The following PLCD1 variants were observed in gnomAD, a reference collection of about 807,000 sequenced individuals.
The protein encoded by PLCD1 is phospholipase C delta 1, also known as 1-phosphatidylinositol 4,5-bisphosphate phosphodiesterase delta-1.
A neutral mutation model predicts 87.4 loss-of-function variants in PLCD1; 71 were observed. The ratio of observed to expected loss-of-function variants is 0.81; its 90% CI spans 0.67 to 0.99. The LOEUF (loss-of-function observed/expected upper bound fraction) is 0.99. PLCD1 is among the 50% of genes least tolerant of loss of function. The pLI is 0.00. For synonymous variants in PLCD1, 348 were observed against 399.2 expected (o/e 0.87, Z 1.53); for missense variants, 867 against 1,001.5 (o/e 0.87, Z 1.81).
intron 1 of PLCD1, chr3:38,024,830 G>T: frequency 2.0e-6 from 2 of 977,404 alleles, no homozygotes; most frequent in South Asian, 1.6e-5. Flanking sequence ...AAAAGGCTGG[G>T]CCATCCAAGA....
intron 1 of PLCD1, 113 bp downstream of exon 1, chr3:38,029,393 G>T: frequency 1.1e-6 from 1 of 921,136 alleles, no homozygotes; most frequent in Non-Finnish European, 1.7e-6. Context: ...AGGCGGGCCC[G>T]GGGTGGTGTG....
chr3:38,019,947 C>A (rs1399009846), intron 2 of PLCD1, among the ~76,000 whole-genome samples: 1 of 152,158 alleles, frequency 6.6e-6, no homozygotes, highest in Non-Finnish European at 1.5e-5. Flanking sequence ...TCCATGACTG[C>A]CCTCTCCAGT....
intron 1 of PLCD1, among the ~76,000 whole-genome samples, chr3:38,021,633 G>A (rs1001841367): frequency 2.0e-5 from 3 of 152,184 alleles, no homozygotes; most frequent in Admixed American, 1.3e-4. Flanking sequence ...CCCTAGCCAC[G>A]TACATAGTCC....
In PLCD1 at chr3:38,011,460, C is replaced by T. The variant is rs1700076084; in HGVS notation, c.559-15G>A. On this transcript the variant is annotated splice_polypyrimidine_tract_variant and intron_variant, in intron 4 of 14. Coordinates refer to ENST00000334661, the MANE Select transcript of PLCD1 (RefSeq NM_006225.4). ...TGGTCACACTCCTGCAGAGCCAGGA[C>T]AGCCGAGTGGGCTCAGAGCAGGCCT... The T allele has an allele frequency of 6.2e-7, 1 of 1,613,660 alleles. No individual in the cohort carries two copies. The highest frequency in any genetic ancestry group is 1.7e-5 in the Admixed American group (1 of 60,016).
intron 1 of PLCD1, chr3:38,024,406 T>G (rs555982544): frequency 3.1e-6 from 5 of 1,612,538 alleles, no homozygotes; most frequent in South Asian, 1.1e-5. Flanking sequence ...CTGGAGCGGC[T>G]CCGGCTCCGG....
intron 1 of PLCD1, among the ~76,000 whole-genome samples, chr3:38,021,706 C>T (rs1431534662): frequency 6.6e-6 from 1 of 152,214 alleles, no homozygotes; most frequent in Non-Finnish European, 1.5e-5. Flanking sequence ...CTATGTGGCC[C>T]ATCAGCAATC....
At chr3:38,010,789 C>G (rs529540236) in intron 5 of PLCD1, among the ~76,000 whole-genome samples, 2 of 152,136 alleles carry the variant, frequency 1.3e-5, no homozygotes, top group South Asian at 4.1e-4. Flanking sequence ...ACTCTAAGAC[C>G]CCTGAGGACA....
chr3:38,012,976 C>T (rs895745634), intron 3 of PLCD1, among the ~76,000 whole-genome samples: 3 of 151,258 alleles, frequency 2.0e-5, no homozygotes, highest in African/African-American at 7.3e-5. Flanking sequence ...TGATTATGGC[C>T]CACTGCAGCC....
rs139510592 is a variant in PLCD1 at position 38,009,043 on chromosome 3, G to A, written c.1722C>T (p.Ile574=). ...CCTCCAGCCCCAGCCAGCCCATACC[G>A]ATCTGGCAGCCCCCATTCCACATCT... ...PVEMWNGGCQ[I]VALNFQTPGP... is the part of the protein sequence containing the mutation. Residue 574 remains isoleucine, a splice_region_variant and synonymous_variant, in exon 11 of 15, where the codon ATC becomes ATT. Transcript: ENST00000334661. The A allele has an allele frequency of 4.8e-5, 78 of 1,610,270 alleles. No homozygotes were observed. In the South Asian group the frequency reaches 7.1e-4, roughly 15 times the overall value.
intron 5 of PLCD1, 111 bp downstream of exon 5, chr3:38,011,103 A>T: frequency 1.5e-5 from 12 of 786,144 alleles, no homozygotes; most frequent in East Asian, 2.8e-5. Context: ...GGGCTGGCTG[A>T]GGCAGCCCCT....
At chr3:38,027,902 T>C (rs1700325075) in intron 1 of PLCD1, among the ~76,000 whole-genome samples, 1 of 152,196 alleles carries the variant, frequency 6.6e-6, no homozygotes, top group Non-Finnish European at 1.5e-5. Context: ...GGAAAACAGC[T>C]TGGGGTCACA....
intron 2 of PLCD1, 75 bp from the exon 3 acceptor site, chr3:38,016,794 G>T (rs1427435916): frequency 2.8e-6 from 3 of 1,054,798 alleles, no homozygotes; most frequent in Non-Finnish European, 4.3e-6. Context: ...CATGGCCAAG[G>T]CCACAGTAGA....
In PLCD1 at chr3:38,008,510, G is replaced by A; in HGVS notation, c.1850C>T (p.Pro617Leu). Residue 617 changes from proline (P) to leucine (L), a missense_variant, in exon 12 of 15, where the codon CCC (proline) becomes CTC (leucine). Coordinates refer to ENST00000334661, the MANE Select transcript of PLCD1 (RefSeq NM_006225.4). ...FLRDPNGTFN[P>L]RALAQGPWWA... ...CCAGGGCCCCTGAGCCAGGGCGCGG[G>A]GGTTAAAGGTGCCGTTGGGGTCTCG... 1 of 1,614,184 alleles carries A rather than the reference G, an allele frequency of 6.2e-7. No individual in the cohort carries two copies.
Position 38,020,351 on chromosome 3 carries a change from G to A in PLCD1, c.36C>T (p.Gly12=), listed in dbSNP as rs781338286. The part of the protein sequence containing the change: ...DSGRDFLTLH[G]LQDDEDLQAL... ...CCTGTAGATCCTCATCATCCTGTAG[G>A]CCTGGGGATCAAAGCCAGTAAGATG... Residue 12 remains glycine, a splice_region_variant and synonymous_variant, in exon 2 of 15, where the codon GGC becomes GGT. Transcript: ENST00000334661. The A allele has an allele frequency of 6.2e-7, 1 of 1,613,796 alleles. No individual in the cohort carries two copies. The highest frequency in any genetic ancestry group is 8.5e-7 in the Non-Finnish European group (1 of 1,179,932).
chr3:38,027,241 T>C (rs758376992), intron 1 of PLCD1, among the ~76,000 whole-genome samples: 4 of 152,166 alleles, frequency 2.6e-5, no homozygotes, highest in Non-Finnish European at 5.9e-5. Flanking sequence ...TACCTTATGA[T>C]GCCCCCATCA....
At chr3:38,029,396 G>C in intron 1 of PLCD1, 110 bp downstream of exon 1, 1 of 937,598 alleles carries the variant, frequency 1.1e-6, no homozygotes. Context: ...CGGGCCCGGG[G>C]TGGTGTGGAG....
chr3:38,029,545 A>G lies in PLCD1; in HGVS notation c.-6T>C, dbSNP rs1255357202. 1 of 1,537,350 alleles carries G rather than the reference A, an allele frequency of 6.5e-7. No homozygotes were observed. Among genetic ancestry groups the G allele is most frequent in the Non-Finnish European group, 8.7e-7 (1 of 1,146,200 alleles). On this transcript the variant is annotated 5_prime_UTR_variant, in exon 1 of 15. Transcript: ENST00000334661. ...AAGTCCCGGCCCGAGTCCATGCCCG[A>G]CGGGCGGCGCGGCGGGAGGGGCACC...
At chr3:38,026,834 C>A (rs1443724435) in intron 1 of PLCD1, among the ~76,000 whole-genome samples, 1 of 152,214 alleles carries the variant, frequency 6.6e-6, no homozygotes, top group Admixed American at 6.5e-5. Context: ...TACTGCTATC[C>A]CATGGATGAT....
At chr3:38,008,781 C>T (rs1420421776) in intron 11 of PLCD1, 145 bp from the exon 12 acceptor site, 1 of 740,386 alleles carries the variant, frequency 1.4e-6, no homozygotes, top group African/African-American at 1.7e-5. Flanking sequence ...CCTCCTGCCA[C>T]CCTCAGTGAC....
Sources: allele counts gnomAD v4.1 joint callset (sites outside exome capture counted in the v4.1 genomes callset), GRCh38; gene constraint gnomAD v4.1.1; transcripts MANE v1.5; gene names NCBI Gene and HGNC (gene_info 2026-07-23, HGNC 2026-07-21).